The following TTC28 variants were observed in gnomAD, a reference collection of about 807,000 sequenced individuals.
TTC28 encodes the protein tetratricopeptide repeat domain 28, also known as tetratricopeptide repeat protein 28.
A neutral mutation model predicts 198.0 loss-of-function variants in TTC28; 61 were observed. The ratio of observed to expected loss-of-function variants is 0.31; its 90% CI spans 0.25 to 0.38. The LOEUF (loss-of-function observed/expected upper bound fraction) is 0.38. Among genes scored for constraint, TTC28 ranks in the 10% least tolerant of loss-of-function variants. The pLI, the probability that TTC28 is intolerant of heterozygous loss-of-function variation, is 1.00. For missense variants in TTC28, 2,678 were observed against 3,164.0 expected, an observed-to-expected ratio of 0.85 and a Z score of 3.69; for synonymous variants, 1,171 against 1,297.8, an observed-to-expected ratio of 0.90 and a Z score of 2.10.
chr22:27,993,746 C>G (rs940290611), intron 17 of TTC28, among the ~76,000 whole-genome samples: 2 of 152,132 alleles, frequency 1.3e-5, no homozygotes, highest in South Asian at 2.1e-4. Flanking sequence ...AGGGCTGGTA[C>G]AACAGAAGGA....
chr22:28,207,738 T>C (rs935914029), intron 5 of TTC28, among the ~76,000 whole-genome samples: 3 of 152,120 alleles, frequency 2.0e-5, no homozygotes, highest in African/African-American at 7.2e-5. Context: ...CTCTATTTTC[T>C]CTCCTTCAGG....
chr22:28,574,281 G>A (rs1443334532), intron 2 of TTC28, among the ~76,000 whole-genome samples: 2 of 152,226 alleles, frequency 1.3e-5, no homozygotes, highest in East Asian at 3.9e-4. Flanking sequence ...CAGGGTGCTG[G>A]GATTACAGGC....
intron 2 of TTC28, among the ~76,000 whole-genome samples, chr22:28,425,050 T>G (rs1266183458): frequency 6.6e-6 from 1 of 152,218 alleles, no homozygotes; most frequent in Non-Finnish European, 1.5e-5. Context: ...TAAATAAAGA[T>G]CCAATCCTTT....
At chr22:28,333,208 C>A (rs1601642231) in intron 2 of TTC28, among the ~76,000 whole-genome samples, 1 of 152,116 alleles carries the variant, frequency 6.6e-6, no homozygotes, top group South Asian at 2.1e-4. Context: ...CAATCTGAAC[C>A]AATTTTTTAA....
chr22:28,173,292 G>A (rs2147087206), intron 5 of TTC28, among the ~76,000 whole-genome samples: 2 of 152,228 alleles, frequency 1.3e-5, no homozygotes, highest in Middle Eastern at 6.8e-3. Flanking sequence ...GGCTGTTAAT[G>A]AGAATCTGAA....
At chr22:28,386,579 G>C (rs573469293) in intron 2 of TTC28, among the ~76,000 whole-genome samples, 35 of 152,156 alleles carry the variant, frequency 2.3e-4, no homozygotes, top group African/African-American at 7.2e-4. Flanking sequence ...TCCTTGAATG[G>C]GTATAGGGTC....
chr22:28,222,980 G>C (rs960821530), intron 5 of TTC28, among the ~76,000 whole-genome samples: 2 of 152,152 alleles, frequency 1.3e-5, no homozygotes, highest in African/African-American at 4.8e-5. Context: ...TTCACAATGA[G>C]GGACAAGCAT....
At chr22:28,273,504 A>C (rs997483653) in intron 5 of TTC28, among the ~76,000 whole-genome samples, 11 of 152,146 alleles carry the variant, frequency 7.2e-5, no homozygotes, top group Non-Finnish European at 4.4e-5. Flanking sequence ...GGACATAGCT[A>C]AAGAGAGATC....
chr22:28,108,206 C>G lies in TTC28; in HGVS notation c.1639G>C (p.Val547Leu). 6.4e-7 allele frequency: 1 copy of G among 1,551,528 alleles called. No individual in the cohort carries two copies. The highest frequency in any genetic ancestry group is 1.7e-4 in the Middle Eastern group (1 of 5,992). Residue 547 changes from valine (V) to leucine (L), a missense_variant, in exon 7 of 23, where the codon GTG becomes CTG. Physicochemically the swap from Val to Leu is conservative, Grantham distance 32. Coordinates refer to ENST00000397906, the MANE Select transcript of TTC28 (RefSeq NM_001145418.2). Reference protein sequence around the residue: ...HRQELQISMEVNDRASQASTH... With the variant: ...HRQELQISMELNDRASQASTH... ...GAGGCCTGTGAGGCGCGGTCATTCA[C>G]TTCCATGGAGATCTGCAGCTCCTGC...
At position 28,238,090 on chromosome 22, in the gene TTC28, T is replaced by C. The variant is rs545958558; in HGVS notation, c.933+58108A>G. On this transcript the variant is annotated intron_variant, in intron 5 of 22. Transcript: ENST00000397906. ...TTGTGCCTAGTTGTGACTTACTTTA[T>C]GTTTTTACTGCACGAATGGGGTTGA... Among the ~76,000 whole-genome samples, 17 of 152,322 alleles carry C rather than the reference T, an allele frequency of 1.1e-4. No homozygotes were observed. In the South Asian group the frequency reaches 3.3e-3, roughly 30 times the overall value.
In TTC28 at chr22:27,983,106, C is replaced by T; in HGVS notation, c.6561G>A (p.Val2187=). Residue 2187 remains valine (V), a synonymous_variant, in exon 23 of 23, where the codon GTG becomes GTA. Coordinates refer to ENST00000397906, the MANE Select transcript of TTC28 (RefSeq NM_001145418.2). ...CGTCTTCAGGGTTATTACTCTTGCT[C>T]ACCTGGCCGCCGCTCCTCTGAAGAC... The part of the protein sequence containing the change: ...VERLQRSGGQ[V]SKSNNPEDGV... 1.9e-6 allele frequency: 3 copies of T among 1,551,760 alleles called. No individual in the cohort carries two copies. Among genetic ancestry groups the T allele is most frequent in the South Asian group, 2.4e-5 (2 of 84,060 alleles).
intron 2 of TTC28, among the ~76,000 whole-genome samples, chr22:28,504,216 G>C (rs894561545): frequency 6.6e-6 from 1 of 151,966 alleles, no homozygotes; most frequent in Non-Finnish European, 1.5e-5. Flanking sequence ...CCTCTTTCAG[G>C]TATATCCTTC....
intron 12 of TTC28, among the ~76,000 whole-genome samples, chr22:28,042,126 TTGG>T (rs1157853231): frequency 6.6e-6 from 1 of 152,148 alleles, no homozygotes; most frequent in African/African-American, 2.4e-5. Flanking sequence ...TTTTACACTG[TTGG>T]TGGGAGTGTA....
chr22:28,471,837 A>G (rs1025072111), intron 2 of TTC28, among the ~76,000 whole-genome samples: 1 of 152,174 alleles, frequency 6.6e-6, no homozygotes, highest in Non-Finnish European at 1.5e-5. Flanking sequence ...AGTATCAGAT[A>G]CAGCTCTTTT....
intron 5 of TTC28, among the ~76,000 whole-genome samples, chr22:28,169,649 A>G (rs1260887069): frequency 6.6e-6 from 1 of 152,114 alleles, no homozygotes; most frequent in Non-Finnish European, 1.5e-5. Flanking sequence ...GAAGGGGAAC[A>G]TCACACACCA....
At chr22:28,038,045 C>T (rs1405901645) in intron 12 of TTC28, among the ~76,000 whole-genome samples, 1 of 152,190 alleles carries the variant, frequency 6.6e-6, no homozygotes, top group Non-Finnish European at 1.5e-5. Context: ...AAGAACATTC[C>T]ATGCTCATGG....
At chr22:28,059,578 T>C (rs1046915807) in intron 12 of TTC28, among the ~76,000 whole-genome samples, 20 of 152,046 alleles carry the variant, frequency 1.3e-4, no homozygotes, top group African/African-American at 4.8e-4. Context: ...TTTTACTGGC[T>C]TGTATTTTTT....
rs1937001603 is a variant in TTC28 at position 27,981,229 on chromosome 22, A to ATTTTTTTTTTTTTTTTTTTTTTTT, written c.*991_*992insAAAAAAAAAAAAAAAAAAAAAAAA. The ATTTTTTTTTTTTTTTTTTTTTTTT allele has an allele frequency of 1.4e-5, 1 of 72,686 alleles. No homozygotes were observed. The highest frequency in any genetic ancestry group is 4.9e-5 in the African/African-American group (1 of 20,420). 4.5% of individuals were successfully genotyped at this position (72,686 alleles called of 1,614,324 possible). On this transcript the variant is annotated 3_prime_UTR_variant, in exon 23 of 23. Transcript: ENST00000397906. ...CTGGTTAAATCTAGTTAGCCATGGA[A>ATTTTTTTTTTTTTTTTTTTTTTTT]ATTTTTTTTTTTTTTTTTTTTTTTT...
At chr22:27,996,730 C>G (rs2345011) in intron 16 of TTC28, among the ~76,000 whole-genome samples, 3 of 151,972 alleles carry the variant, frequency 2.0e-5, no homozygotes, top group Admixed American at 6.6e-5. Flanking sequence ...TGAGGAGCAC[C>G]GCATCCCACC....
Sources: gnomAD v4.1 joint callset for allele counts (sites outside exome capture counted in the v4.1 genomes callset) on GRCh38, gnomAD v4.1.1 for gene constraint, MANE v1.5 for transcripts, NCBI Gene and HGNC (gene_info 2026-07-23, HGNC 2026-07-21) for gene names.